FHIT: variants seen among roughly 807,000 people sequenced by gnomAD.
FHIT encodes the protein fragile histidine triad diadenosine triphosphatase.
In FHIT, 19 loss-of-function variants were observed where a neutral mutation model predicts 17.9. The observed-to-expected ratio is 1.06, with a 90% CI of 0.74 to 1.56. FHIT has a LOEUF of 1.56. Among genes scored for constraint, FHIT ranks in the 40% most tolerant of loss-of-function variants. The pLI, the probability that FHIT is intolerant of heterozygous loss-of-function variation, is 0.00. For missense variants in FHIT, 248 were observed against 189.2 expected (o/e 1.31, Z -1.82); for synonymous variants, 81 against 69.7 (o/e 1.16, Z -0.81).
At chr3:60,606,430 G>A (rs958103043) in intron 4 of FHIT, among the ~76,000 whole-genome samples, 3 of 151,864 alleles carry the variant, frequency 2.0e-5, no homozygotes, top group Admixed American at 1.3e-4. Flanking sequence ...TAGTAGAGAT[G>A]GGGTTTCACC....
At chr3:60,572,817 G>C (rs1220438808) in intron 4 of FHIT, among the ~76,000 whole-genome samples, 3 of 152,160 alleles carry the variant, frequency 2.0e-5, no homozygotes, top group African/African-American at 7.2e-5. Flanking sequence ...ATGGAAAAAG[G>C]AAAGAGGTAA....
chr3:60,344,656 G>T (rs1710687119), intron 5 of FHIT, among the ~76,000 whole-genome samples: 1 of 152,142 alleles, frequency 6.6e-6, no homozygotes, highest in Non-Finnish European at 1.5e-5. Context: ...CTCCAAACTT[G>T]TTAGAAGATA....
chr3:60,006,256 A>G (rs911344813), intron 7 of FHIT, among the ~76,000 whole-genome samples: 4 of 152,176 alleles, frequency 2.6e-5, no homozygotes, highest in African/African-American at 4.8e-5. Flanking sequence ...ATAAGTTCAG[A>G]TAAGATATTT....
At chr3:60,985,484 G>C (rs1212043684) in intron 3 of FHIT, among the ~76,000 whole-genome samples, 1 of 152,114 alleles carries the variant, frequency 6.6e-6, no homozygotes, top group Non-Finnish European at 1.5e-5. Context: ...GGCCACAGGA[G>C]AAGCTCTGTG....
At chr3:60,593,157 G>T (rs1347581108) in intron 4 of FHIT, among the ~76,000 whole-genome samples, 1 of 152,116 alleles carries the variant, frequency 6.6e-6, no homozygotes, top group Admixed American at 6.6e-5. Flanking sequence ...TACATTCTGA[G>T]TATGTAATCT....
rs565849463 is a variant in FHIT at position 59,891,363 on chromosome 3, A to C, written c.348+30983T>G. On this transcript the variant is annotated intron_variant, in intron 8 of 9. Coordinates refer to ENST00000492590, the MANE Select transcript of FHIT (RefSeq NM_002012.4). ...TTTATTCTGCATGAAGGGAAAAGGAAGATTGGTAAAGACACAGGCTGCTAA... is the reference window on the plus strand; with the variant it reads ...TTTATTCTGCATGAAGGGAAAAGGACGATTGGTAAAGACACAGGCTGCTAA... Among the ~76,000 whole-genome samples the C allele has an allele frequency of 5.9e-5, 9 of 152,354 alleles. No homozygotes were observed. The East Asian group carries it at 1.7e-3, about 29-fold the overall frequency.
At chr3:60,169,254 A>C (rs1701313430) in intron 5 of FHIT, among the ~76,000 whole-genome samples, 1 of 152,190 alleles carries the variant, frequency 6.6e-6, no homozygotes, top group Non-Finnish European at 1.5e-5. Flanking sequence ...AATTCCAATG[A>C]AACAAAAGGA....
intron 1 of FHIT, among the ~76,000 whole-genome samples, chr3:61,219,232 G>A (rs2039769810): frequency 6.6e-6 from 1 of 152,064 alleles, no homozygotes; most frequent in Non-Finnish European, 1.5e-5. Flanking sequence ...ATCATTGACT[G>A]AAATGACATT....
At chr3:60,365,060 A>C (rs899887850) in intron 5 of FHIT, among the ~76,000 whole-genome samples, 2 of 150,562 alleles carry the variant, frequency 1.3e-5, no homozygotes, top group Admixed American at 6.7e-5. Context: ...ATATATATAT[A>C]TATTCTATTG....
At chr3:60,009,443 T>A (rs578179176) in intron 7 of FHIT, among the ~76,000 whole-genome samples, 1 of 152,222 alleles carries the variant, frequency 6.6e-6, no homozygotes, top group East Asian at 1.9e-4. Flanking sequence ...CAACAATTCA[T>A]ATATAAGTAC....
chr3:61,231,539 T>G (rs748937097), intron 1 of FHIT, among the ~76,000 whole-genome samples: 1 of 152,032 alleles, frequency 6.6e-6, no homozygotes, highest in Non-Finnish European at 1.5e-5. Flanking sequence ...TTCTTAATGT[T>G]GTTTATTAAT....
chr3:60,457,533 T>C (rs541755618), intron 5 of FHIT, among the ~76,000 whole-genome samples: 3 of 152,116 alleles, frequency 2.0e-5, no homozygotes, highest in Admixed American at 1.3e-4. Flanking sequence ...AAGGACTTCA[T>C]GTCTAAAGCA....
chr3:60,610,251 T>C (rs1306807357), intron 4 of FHIT, among the ~76,000 whole-genome samples: 1 of 152,192 alleles, frequency 6.6e-6, no homozygotes, highest in Non-Finnish European at 1.5e-5. Flanking sequence ...TTTCCAGATG[T>C]ACCCACCTTC....
chr3:60,944,363 T>C (rs1247822073), intron 3 of FHIT, among the ~76,000 whole-genome samples: 6 of 152,198 alleles, frequency 3.9e-5, no homozygotes, highest in African/African-American at 7.2e-5. Flanking sequence ...AACTCTGTTC[T>C]GTTCTCAGTA....
At chr3:61,080,660 G>C (rs138546655) in intron 2 of FHIT, among the ~76,000 whole-genome samples, 8 of 152,076 alleles carry the variant, frequency 5.3e-5, no homozygotes, top group African/African-American at 1.4e-4. Context: ...GTATCAATAG[G>C]AGTTTACAAA....
chr3:60,742,010 A>AG (rs2042251290), intron 4 of FHIT, among the ~76,000 whole-genome samples: 1 of 152,200 alleles, frequency 6.6e-6, no homozygotes, highest in Non-Finnish European at 1.5e-5. Context: ...GAAGTTTCCC[A>AG]GGATATTCTG....
chr3:60,450,236 T>C (rs1038387770), intron 5 of FHIT, among the ~76,000 whole-genome samples: 1 of 152,052 alleles, frequency 6.6e-6, no homozygotes, highest in Non-Finnish European at 1.5e-5. Context: ...TATTAATAAT[T>C]GCACTATGAC....
chr3:61,250,973 C>G (rs1430732621), intron 1 of FHIT, among the ~76,000 whole-genome samples: 1 of 152,190 alleles, frequency 6.6e-6, no homozygotes, highest in Admixed American at 6.5e-5. Context: ...CGAACCATCC[C>G]AAAACGGCGG....
At chr3:59,979,589 C>G (rs986461302) in intron 7 of FHIT, among the ~76,000 whole-genome samples, 1 of 151,984 alleles carries the variant, frequency 6.6e-6, no homozygotes, top group African/African-American at 2.4e-5. Flanking sequence ...ACATCTCAGG[C>G]AGGGGTAAGA....
Sources: allele counts gnomAD v4.1 joint callset (sites outside exome capture counted in the v4.1 genomes callset), GRCh38; gene constraint gnomAD v4.1.1; transcripts MANE v1.5; gene names NCBI Gene and HGNC (gene_info 2026-07-23, HGNC 2026-07-21).